The following EIF4G3 variants were observed in gnomAD, a reference collection of about 807,000 sequenced individuals.
EIF4G3 encodes the protein eIF-4-gamma 3.
A neutral mutation model predicts 186.4 loss-of-function variants in EIF4G3; 34 were observed. The ratio of observed to expected loss-of-function variants is 0.18; its 90% CI spans 0.14 to 0.24. The LOEUF (loss-of-function observed/expected upper bound fraction) is 0.24. Ranked by LOEUF, EIF4G3 falls within the 10% of genes least tolerant of loss-of-function variation. The pLI is 1.00. For missense variants in EIF4G3, 1,536 were observed against 1,948.5 expected (o/e 0.79, Z 3.99); for synonymous variants, 673 against 679.5 (o/e 0.99, Z 0.15).
chr1:20,966,702 G>C (rs1048678164), intron 12 of EIF4G3, among the ~76,000 whole-genome samples: 5 of 152,062 alleles, frequency 3.3e-5, no homozygotes, highest in African/African-American at 1.2e-4. Context: ...TCGAACTTCT[G>C]ACCTCAAGTG....
chr1:20,944,724 C>T (rs140046031), intron 13 of EIF4G3, among the ~76,000 whole-genome samples: 7 of 152,002 alleles, frequency 4.6e-5, no homozygotes, highest in Non-Finnish European at 8.8e-5. Context: ...ATACACACTT[C>T]AGAAAAATCT....
chr1:20,882,041 T>C (rs2082485685), intron 19 of EIF4G3, among the ~76,000 whole-genome samples: 1 of 151,972 alleles, frequency 6.6e-6, no homozygotes, highest in Non-Finnish European at 1.5e-5. Flanking sequence ...TAAGCACCTG[T>C]AGTCCTAGCT....
In EIF4G3 at chr1:20,853,659, G is replaced by A. The variant is rs749386402; in HGVS notation, c.3452C>T (p.Ala1151Val). The change falls in exon 27 of 37, where the codon GCT (alanine) becomes GTT (valine). Residue 1151 changes from alanine (A) to valine (V), a missense_variant. Physicochemically the swap from Ala to Val is moderately conservative, Grantham distance 64 (BLOSUM62 0). Coordinates refer to ENST00000602326, the MANE Select transcript of EIF4G3 (RefSeq NM_001391906.1). ...GGCAGAGAATCTGTTTAAACTGGAAGCACTTGACCGTAAGGCATCTACACA... is the reference window on the plus strand; with the variant it reads ...GGCAGAGAATCTGTTTAAACTGGAAACACTTGACCGTAAGGCATCTACACA... Reference protein sequence around the residue: ...ASETDALRSSASSLNRFSALQ... With the variant: ...ASETDALRSSVSSLNRFSALQ... The A allele has an allele frequency of 1.9e-6, 3 of 1,610,156 alleles. No individual in the cohort carries two copies. The highest frequency in any genetic ancestry group is 3.3e-5 in the Admixed American group (2 of 59,716).
intron 7 of EIF4G3, among the ~76,000 whole-genome samples, chr1:20,996,968 A>G (rs779913926): frequency 6.6e-6 from 1 of 152,188 alleles, no homozygotes; most frequent in Non-Finnish European, 1.5e-5. Context: ...GAAGTATGAA[A>G]CCAATAGGAT....
intron 12 of EIF4G3, among the ~76,000 whole-genome samples, chr1:20,962,539 T>A (rs1446639346): frequency 6.6e-6 from 1 of 152,200 alleles, no homozygotes; most frequent in African/African-American, 2.4e-5. Context: ...AAAAAGTTGA[T>A]ATCAAGCAAC....
chr1:21,087,657 G>A (rs185850448), intron 3 of EIF4G3, among the ~76,000 whole-genome samples: 38 of 151,420 alleles, frequency 2.5e-4, no homozygotes, highest in African/African-American at 8.2e-4. Context: ...TTTTTGAGAC[G>A]GAGTCTCGCT....
At chr1:21,128,274 C>T (rs1224310355) in intron 2 of EIF4G3, among the ~76,000 whole-genome samples, 3 of 150,052 alleles carry the variant, frequency 2.0e-5, no homozygotes, top group Admixed American at 6.6e-5. Flanking sequence ...TTTGGGAGGC[C>T]GAGGCAGGCA....
At chr1:21,107,506 T>G (rs970079870) in intron 2 of EIF4G3, among the ~76,000 whole-genome samples, 3 of 152,116 alleles carry the variant, frequency 2.0e-5, no homozygotes, top group Non-Finnish European at 4.4e-5. Flanking sequence ...TAGCTTAGCA[T>G]TTACAGTCAC....
chr1:20,983,596 T>C (rs1317801888), intron 7 of EIF4G3, among the ~76,000 whole-genome samples: 1 of 152,172 alleles, frequency 6.6e-6, no homozygotes, highest in Non-Finnish European at 1.5e-5. Flanking sequence ...GCCACAAGAA[T>C]GATACAAGCC....
In EIF4G3 at chr1:20,807,583, TG is replaced by T. The variant is rs2154542977; in HGVS notation, c.4745-84del. 3 of 1,206,586 alleles carry T rather than the reference TG, an allele frequency of 2.5e-6. No homozygotes were observed. The East Asian group carries it at 7.7e-5, about 31-fold the overall frequency. The allele number at this position is 1,206,586 out of a possible 1,614,324, so 74.7% of individuals were successfully genotyped here. ...AATATATTTCAAAATAATGAATGAC[TG>T]AATAAATGTGCATTAATTCCCCCAG... On this transcript the variant is annotated intron_variant, in intron 36 of 36. Transcript: ENST00000602326.
chr1:21,022,783 G>C (rs569230161), intron 4 of EIF4G3, among the ~76,000 whole-genome samples: 153 of 152,306 alleles, frequency 1.0e-3, no homozygotes, highest in African/African-American at 3.6e-3. Flanking sequence ...CTCTCCAGTT[G>C]ACCTACAGGT....
Position 20,933,008 on chromosome 1 carries a change from C to G in EIF4G3, c.1663+8483G>C, listed in dbSNP as rs78194107. Among the ~76,000 whole-genome samples, 838 of 152,256 alleles carry G rather than the reference C, an allele frequency of 5.5e-3. 12 individuals are homozygous for G. Among genetic ancestry groups the G allele is most frequent in the East Asian group, 0.024 (124 of 5,188 alleles). On this transcript the variant is annotated intron_variant, in intron 14 of 36. Transcript: ENST00000602326. ...TACTATATGGCGCTTTTGAAATAAT[C>G]TCCAGGCTTCTAGAACACTGGTGGA...
intron 14 of EIF4G3, among the ~76,000 whole-genome samples, chr1:20,913,369 T>C (rs996611248): frequency 2.0e-5 from 3 of 152,140 alleles, no homozygotes; most frequent in South Asian, 4.1e-4. Context: ...ACACCATCTC[T>C]ACAAAAAAAA....
At chr1:20,820,650 C>A (rs1415028030) in intron 33 of EIF4G3, among the ~76,000 whole-genome samples, 1 of 152,112 alleles carries the variant, frequency 6.6e-6, no homozygotes, top group Non-Finnish European at 1.5e-5. Context: ...TGCCTATGGA[C>A]CAATTGGCAT....
chr1:20,846,142 C>G (rs565893670), intron 29 of EIF4G3, among the ~76,000 whole-genome samples: 1 of 152,216 alleles, frequency 6.6e-6, no homozygotes, highest in South Asian at 2.1e-4. Flanking sequence ...GATTTTGTAT[C>G]CTGAGTCTTT....
intron 2 of EIF4G3, among the ~76,000 whole-genome samples, chr1:21,163,277 T>C (rs2097794945): frequency 6.6e-6 from 1 of 152,156 alleles, no homozygotes; most frequent in Admixed American, 6.5e-5. Context: ...TAAAAGGTAA[T>C]AAGCTAAGGT....
At chr1:20,970,941 G>A (rs1352729986) in intron 11 of EIF4G3, among the ~76,000 whole-genome samples, 1 of 152,198 alleles carries the variant, frequency 6.6e-6, no homozygotes, top group Non-Finnish European at 1.5e-5. Flanking sequence ...TCCAGCCTGG[G>A]GGAAAAGAGC....
At chr1:20,919,277 C>T (rs1224657120) in intron 14 of EIF4G3, among the ~76,000 whole-genome samples, 1 of 152,140 alleles carries the variant, frequency 6.6e-6, no homozygotes, top group Admixed American at 6.6e-5. Context: ...GGCTCAATCA[C>T]GGCAGACTGC....
intron 23 of EIF4G3, among the ~76,000 whole-genome samples, chr1:20,860,848 T>C (rs2076168404): frequency 6.6e-6 from 1 of 152,222 alleles, no homozygotes; most frequent in Non-Finnish European, 1.5e-5. Context: ...TTTATCTGTA[T>C]CAGTATTTTG....
Sources: allele counts gnomAD v4.1 joint callset (sites outside exome capture counted in the v4.1 genomes callset), GRCh38; gene constraint gnomAD v4.1.1; transcripts MANE v1.5; gene names NCBI Gene and HGNC (gene_info 2026-07-23, HGNC 2026-07-21).